Variants in PTPN9 observed in about 807,000 individuals in gnomAD.
The protein encoded by PTPN9 is tyrosine-protein phosphatase non-receptor type 9.
A neutral mutation model predicts 69.8 loss-of-function variants in PTPN9; 26 were observed. The observed-to-expected ratio is 0.37, with a 90% CI of 0.27 to 0.52. PTPN9 has a LOEUF of 0.52. Ranked by LOEUF, PTPN9 falls within the 20% of genes least tolerant of loss-of-function variation. PTPN9 has a pLI of 0.91. For synonymous variants in PTPN9, 274 were observed against 272.5 expected, an observed-to-expected ratio of 1.01 and a Z score of -0.05; for missense variants, 549 against 740.3, an observed-to-expected ratio of 0.74 and a Z score of 3.00.
intron 7 of PTPN9, among the ~76,000 whole-genome samples, chr15:75,500,885 T>C (rs1328726223): frequency 1.3e-5 from 2 of 151,382 alleles, no homozygotes; most frequent in African/African-American, 4.9e-5. Flanking sequence ...AGACCCTGTC[T>C]CTAAAAAAAA....
chr15:75,481,838 G>T (rs983866706), intron 8 of PTPN9, among the ~76,000 whole-genome samples: 2 of 134,566 alleles, frequency 1.5e-5, no homozygotes, highest in Non-Finnish European at 3.2e-5. Flanking sequence ...GGTGGGGGGG[G>T]GTCAGCGCCC....
In PTPN9 at chr15:75,468,714, G is replaced by A. The variant is rs2074548393; in HGVS notation, c.*55C>T. On this transcript the variant is annotated 3_prime_UTR_variant, in exon 13 of 13. Coordinates refer to ENST00000618819, the MANE Select transcript of PTPN9 (RefSeq NM_002833.4). ...CTGATGGCAACCTATAGGCTCAGCGGTGTCCAGGGTAGTTTAAGGAAGGCT... is the reference window on the plus strand; with the variant it reads ...CTGATGGCAACCTATAGGCTCAGCGATGTCCAGGGTAGTTTAAGGAAGGCT... The A allele has an allele frequency of 2.0e-6, 3 of 1,502,252 alleles. No homozygotes were observed. The Admixed American group carries it at 5.2e-5, about 26-fold the overall frequency. 93.1% of individuals were successfully genotyped at this position (1,502,252 alleles called of 1,614,324 possible). A position where few individuals can be genotyped will look rare whatever the true frequency, so the allele number is the denominator to read the frequency against.
rs192292717 is a variant in PTPN9, at chr15:75,550,519, G to A, written c.64-23258C>T. ...AATAAAAAGATTGGCTGGGTGCAGTGGCTCACGCCTGTAATCCCAGCACTT... is the reference window on the plus strand; with the variant it reads ...AATAAAAAGATTGGCTGGGTGCAGTAGCTCACGCCTGTAATCCCAGCACTT... On this transcript the variant is annotated intron_variant, in intron 1 of 12. Transcript: ENST00000618819. Among the ~76,000 whole-genome samples the A allele has an allele frequency of 3.3e-4, 50 of 150,604 alleles. 1 individual carries two copies. The highest frequency in any genetic ancestry group is 7.9e-4 in the Admixed American group (12 of 15,168).
At chr15:75,472,743 T>C (rs1256189624) in intron 10 of PTPN9, among the ~76,000 whole-genome samples, 1 of 146,148 alleles carries the variant, frequency 6.8e-6, no homozygotes. Flanking sequence ...CGAGCCATTG[T>C]ACTCCCACCT....
intron 1 of PTPN9, among the ~76,000 whole-genome samples, chr15:75,553,085 A>C (rs896619774): frequency 5.3e-5 from 8 of 152,050 alleles, no homozygotes; most frequent in African/African-American, 1.9e-4. Flanking sequence ...AAACGGGGGT[A>C]ATACTACACA....
chr15:75,578,447 A>G (rs1185054918), intron 1 of PTPN9, among the ~76,000 whole-genome samples: 1 of 152,086 alleles, frequency 6.6e-6, no homozygotes. Context: ...TGCCCCTGGA[A>G]TAGGGGGTGG....
In PTPN9 at chr15:75,473,711, A is replaced by C; in HGVS notation, c.1186T>G (p.Leu396Val). 6.3e-7 allele frequency: 1 copy of C among 1,583,466 alleles called. No individual in the cohort carries two copies. The highest frequency in any genetic ancestry group is 2.2e-5 in the East Asian group (1 of 44,718). ...FWLMVWEQKV[L>V]VIVMTTRFEE... ...CACCGGGTGGTCATGACAATCACCAAGACTTTTTGCTCCCATACCATGAGC... is the reference window on the plus strand; with the variant it reads ...CACCGGGTGGTCATGACAATCACCACGACTTTTTGCTCCCATACCATGAGC... Residue 396 changes from leucine to valine, a missense_variant, in exon 10 of 13, where the codon TTG becomes GTG. Physicochemically the swap from Leu to Val is conservative, Grantham distance 32. Coordinates refer to ENST00000618819, the MANE Select transcript of PTPN9 (RefSeq NM_002833.4).
intron 8 of PTPN9, among the ~76,000 whole-genome samples, chr15:75,482,107 G>A (rs2074640128): frequency 6.6e-6 from 1 of 151,296 alleles, no homozygotes; most frequent in Admixed American, 6.6e-5. Flanking sequence ...ATTTTGTTCT[G>A]CACTAAGAAA....
chr15:75,504,547 G>A (rs1466007224), intron 7 of PTPN9, among the ~76,000 whole-genome samples: 30 of 141,134 alleles, frequency 2.1e-4, no homozygotes, highest in African/African-American at 7.2e-4. Flanking sequence ...CAGCCGCCCC[G>A]TCCAGGAGGT....
intron 1 of PTPN9, among the ~76,000 whole-genome samples, chr15:75,576,146 C>T (rs946710547): frequency 2.0e-5 from 3 of 150,824 alleles, no homozygotes; most frequent in South Asian, 2.1e-4. Flanking sequence ...GCAGGAGAAT[C>T]GCTTGAATCA....
intron 1 of PTPN9, among the ~76,000 whole-genome samples, chr15:75,572,034 T>C (rs2141346129): frequency 6.6e-6 from 1 of 152,136 alleles, no homozygotes; most frequent in Middle Eastern, 3.4e-3. Flanking sequence ...TAGTGAGAGT[T>C]CTAGTTAAGA....
chr15:75,527,759 G>A (rs772312852), intron 1 of PTPN9, among the ~76,000 whole-genome samples: 2 of 151,858 alleles, frequency 1.3e-5, no homozygotes, highest in Non-Finnish European at 2.9e-5. Context: ...GGGAGGCTGA[G>A]GTAGGAGAAC....
intron 1 of PTPN9, among the ~76,000 whole-genome samples, chr15:75,545,445 A>C (rs1451654927): frequency 1.3e-5 from 2 of 152,112 alleles, no homozygotes; most frequent in Non-Finnish European, 2.9e-5. Context: ...ACAAAACAAA[A>C]TAAAATAAAG....
chr15:75,488,168 C>G (rs1039125176), intron 8 of PTPN9, among the ~76,000 whole-genome samples: 5 of 152,078 alleles, frequency 3.3e-5, no homozygotes, highest in African/African-American at 1.2e-4. Flanking sequence ...GTAATCCCAG[C>G]TACTCGGGAG....
At chr15:75,571,194 C>T (rs560489543) in intron 1 of PTPN9, among the ~76,000 whole-genome samples, 1 of 151,286 alleles carries the variant, frequency 6.6e-6, no homozygotes, top group South Asian at 2.1e-4. Context: ...CGGGAGGCGG[C>T]GGTTGCAGTG....
At chr15:75,522,298 T>C (rs2074908695) in intron 4 of PTPN9, among the ~76,000 whole-genome samples, 1 of 152,168 alleles carries the variant, frequency 6.6e-6, no homozygotes, top group South Asian at 2.1e-4. Context: ...CTTATGCACC[T>C]CTTTTTATTA....
intron 7 of PTPN9, among the ~76,000 whole-genome samples, chr15:75,495,728 AAAC>A (rs566966389): frequency 2.6e-5 from 4 of 151,998 alleles, no homozygotes; most frequent in South Asian, 4.2e-4. Context: ...CAACAAAACA[AAAC>A]AACAACAACA....
intron 1 of PTPN9, among the ~76,000 whole-genome samples, chr15:75,573,236 G>A (rs1023382288): frequency 1.3e-5 from 2 of 152,192 alleles, no homozygotes; most frequent in Admixed American, 1.3e-4. Context: ...TGCAAAGTGA[G>A]GGTAGTAATT....
chr15:75,542,374 T>C (rs557106558), intron 1 of PTPN9, among the ~76,000 whole-genome samples: 1 of 152,270 alleles, frequency 6.6e-6, no homozygotes, highest in South Asian at 2.1e-4. Flanking sequence ...ATCTGCCTAA[T>C]GAAACCAAAT....
Sources: allele counts gnomAD v4.1 joint callset (sites outside exome capture counted in the v4.1 genomes callset), GRCh38; gene constraint gnomAD v4.1.1; transcripts MANE v1.5; gene names NCBI Gene and HGNC (gene_info 2026-07-23, HGNC 2026-07-21).